CFAP276: variants seen among roughly 807,000 people sequenced by gnomAD.
CFAP276 encodes cilia- and flagella-associated protein 276.
chr1:109,112,890 A>G, the CFAP276 span: 7 of 686,612 alleles, frequency 1.0e-5, no homozygotes, highest in Non-Finnish European at 1.6e-5. Context: ...AGCTCCGGGG[A>G]CTGCAGAGGG....
chr1:109,107,782 G>T, the CFAP276 span: 1 of 653,654 alleles, frequency 1.5e-6, no homozygotes, highest in Non-Finnish European at 2.6e-6. Context: ...GGAGGCAGAG[G>T]CAGGAGGATT....
At chr1:109,113,160 C>A in the CFAP276 span, among the ~76,000 whole-genome samples, 1 of 152,000 alleles carries the variant, frequency 6.6e-6, no homozygotes, top group Non-Finnish European at 1.5e-5. Flanking sequence ...GAAGCGGAGG[C>A]GGGCGGATCG....
the CFAP276 span, among the ~76,000 whole-genome samples, chr1:109,113,423 A>AGG: frequency 1.6e-5 from 1 of 62,688 alleles, no homozygotes; most frequent in African/African-American, 4.8e-5. Context: ...AGAAAGAGAG[A>AGG]GAGAGAGAGA....
At chr1:109,110,975 C>T in the CFAP276 span, among the ~76,000 whole-genome samples, 1 of 152,188 alleles carries the variant, frequency 6.6e-6, no homozygotes. Flanking sequence ...CCTGTCAGTC[C>T]TGCCCTGTGC....
the CFAP276 span, chr1:109,106,192 G>A: frequency 1.8e-6 from 2 of 1,093,760 alleles, no homozygotes; most frequent in Non-Finnish European, 2.7e-6. Flanking sequence ...AGGTACTGTG[G>A]AGAAGCTTCT....
the CFAP276 span, chr1:109,113,786 G>A: frequency 1.6e-6 from 2 of 1,268,286 alleles, no homozygotes; most frequent in Non-Finnish European, 2.3e-6. Flanking sequence ...CTGGCTTGGA[G>A]GATGCTTCCA....
the CFAP276 span, chr1:109,108,020 G>GTTATTTTTTTTTTTTT: frequency 2.5e-6 from 4 of 1,605,166 alleles, no homozygotes; most frequent in Non-Finnish European, 3.4e-6. Flanking sequence ...GGTGTGTTGG[G>GTTATTTTTTTTTTTTT]TTCTTATATG....
the CFAP276 span, chr1:109,108,115 C>T: frequency 2.0e-6 from 2 of 988,522 alleles, no homozygotes; most frequent in South Asian, 2.7e-5. Context: ...CAGTAGCATC[C>T]CCTTATTCCA....
At chr1:109,109,563 G>T in the CFAP276 span, among the ~76,000 whole-genome samples, 2 of 122,246 alleles carry the variant, frequency 1.6e-5, no homozygotes, top group Admixed American at 1.8e-4. Context: ...TTGAGACAGA[G>T]TCTCGCTCTG....
chr1:109,113,150 G>A, the CFAP276 span, among the ~76,000 whole-genome samples: 10 of 152,134 alleles, frequency 6.6e-5, no homozygotes, highest in African/African-American at 1.2e-4. Flanking sequence ...AGCACTTTGG[G>A]AAGCGGAGGC....
chr1:109,112,954 G>T, the CFAP276 span, among the ~76,000 whole-genome samples: 1 of 152,188 alleles, frequency 6.6e-6, no homozygotes, highest in African/African-American at 2.4e-5. Flanking sequence ...AGCCTCGGCG[G>T]AAAAGTGCTG....
chr1:109,110,984 G>A, the CFAP276 span, among the ~76,000 whole-genome samples: 1 of 152,138 alleles, frequency 6.6e-6, no homozygotes, highest in Non-Finnish European at 1.5e-5. Context: ...CCTGCCCTGT[G>A]CACCTTTCTC....
the CFAP276 span, chr1:109,113,668 A>T: frequency 1.2e-6 from 2 of 1,613,928 alleles, no homozygotes; most frequent in Middle Eastern, 1.6e-4. Context: ...CTGGAGGGTG[A>T]TCTCTCCATC....
the CFAP276 span, among the ~76,000 whole-genome samples, chr1:109,108,747 A>G: frequency 2.6e-5 from 4 of 152,346 alleles, no homozygotes; most frequent in South Asian, 8.3e-4. Context: ...GGTTGTCCAC[A>G]TGAAGTAGTA....
the CFAP276 span, chr1:109,106,916 C>G: frequency 9.8e-6 from 10 of 1,021,380 alleles, no homozygotes; most frequent in Non-Finnish European, 1.5e-5. Context: ...AAATGAGTAC[C>G]TAGTGATTAT....
chr1:109,106,331 A>G, the CFAP276 span, among the ~76,000 whole-genome samples: 1 of 152,178 alleles, frequency 6.6e-6, no homozygotes, highest in Non-Finnish European at 1.5e-5. Context: ...GAGGCTCTGA[A>G]AAATTGAATT....
the CFAP276 span, chr1:109,112,555 C>G: frequency 2.6e-6 from 4 of 1,547,926 alleles, no homozygotes; most frequent in Non-Finnish European, 3.5e-6. Flanking sequence ...AGAAAGAAGA[C>G]TACCGGCGAC....
At chr1:109,108,084 C>A in the CFAP276 span, 1 of 1,375,810 alleles carries the variant, frequency 7.3e-7, no homozygotes, top group Non-Finnish European at 1.0e-6. Context: ...ATACGGGAAG[C>A]CTTGCTGATG....
the CFAP276 span, among the ~76,000 whole-genome samples, chr1:109,113,386 C>T: frequency 7.7e-5 from 9 of 116,676 alleles, no homozygotes; most frequent in Admixed American, 8.1e-4. Context: ...GAGTGAGACC[C>T]TGTCTCAGAG....
Sources: allele counts gnomAD v4.1 joint callset (sites outside exome capture counted in the v4.1 genomes callset), GRCh38; gene constraint gnomAD v4.1.1; transcripts MANE v1.5; gene names NCBI Gene and HGNC (gene_info 2026-07-23, HGNC 2026-07-21).